Variants in INTS8 observed in about 807,000 individuals in gnomAD.
The protein encoded by INTS8 is protein kaonashi-1.
In INTS8, 47 loss-of-function variants were observed where a neutral mutation model predicts 138.9. That is an observed-to-expected ratio of 0.34 (90% confidence interval 0.27 to 0.43). INTS8 has a LOEUF of 0.43. INTS8 is among the 20% of genes least tolerant of loss of function. The probability of loss-of-function intolerance (pLI) is 1.00; values close to 1 mark genes in which losing one functional copy is unlikely to be tolerated. For synonymous variants in INTS8, 392 were observed against 400.9 expected (o/e 0.98, Z 0.27); for missense variants, 996 against 1,173.0 (o/e 0.85, Z 2.20).
chr8:94,836,720 G>A (rs538230484), intron 7 of INTS8, 89 bp downstream of exon 7: 8 of 759,324 alleles, frequency 1.1e-5, no homozygotes, highest in South Asian at 1.7e-5. Flanking sequence ...TGATAAAAAC[G>A]TGTTCATTAT....
intron 18 of INTS8, chr8:94,866,609 T>C (rs1303421086): frequency 5.5e-6 from 1 of 183,472 alleles, no homozygotes; most frequent in Admixed American, 5.9e-5. Flanking sequence ...TAAAGTGACC[T>C]GTTAATGTGC....
intron 1 of INTS8, 34 bp downstream of exon 1, chr8:94,823,595 C>G: frequency 1.4e-6 from 2 of 1,475,610 alleles, no homozygotes; most frequent in South Asian, 1.3e-5. Context: ...GGAGCGGGAC[C>G]CGGCCACCGG....
chr8:94,865,767 G>A, intron 17 of INTS8, 77 bp downstream of exon 17: 2 of 1,305,488 alleles, frequency 1.5e-6, no homozygotes, highest in Admixed American at 4.0e-5. Flanking sequence ...ACCTATTAAA[G>A]GTTGATTTCA....
chr8:94,838,530 A>G lies in INTS8; in HGVS notation c.929A>G (p.Asp310Gly), dbSNP rs762478454. 1 of 1,612,874 alleles carries G rather than the reference A, an allele frequency of 6.2e-7. No homozygotes were observed. Among genetic ancestry groups the G allele is most frequent in the South Asian group, 1.1e-5 (1 of 91,042 alleles). Residue 310 changes from aspartate (D) to glycine (G), a missense_variant, in exon 8 of 27, where the codon GAT becomes GGT. Asp to Gly is a moderately conservative substitution (Grantham distance 94). Transcript: ENST00000523731. ...TTAGCTGGCTATTGTCAAGCATGTG[A>G]TGTTCTTGTACCTTCTTCTGATAGT... ...KRLAGYCQAC[D>G]VLVPSSDSTS... is the part of the protein sequence containing the mutation.
chr8:94,827,610 A>G (rs1173852715), intron 3 of INTS8, 112 bp from the exon 4 acceptor site: 8 of 1,057,884 alleles, frequency 7.6e-6, no homozygotes, highest in East Asian at 4.8e-5. Flanking sequence ...AGGATTTACC[A>G]TGTGTCAATT....
Position 94,849,557 on chromosome 8 carries a change from C to CTT in INTS8, c.1331+35_1331+36dup, listed in dbSNP as rs370192003. ...AGTAAGTACCTTTCTTTTCTTTTTT[C>CTT]TTTTTTTTTTTAACTTTGAACTTAG... is the stretch of plus-strand genomic sequence containing the variant. On this transcript the variant is annotated intron_variant, in intron 11 of 26. Coordinates refer to ENST00000523731, the MANE Select transcript of INTS8 (RefSeq NM_017864.4). 3.2e-4 allele frequency: 362 copies of CTT among 1,115,220 alleles called. No individual in the cohort carries two copies. In the African/African-American group the frequency reaches 4.7e-3, roughly 15 times the overall value. The allele number at this position is 1,115,220 out of a possible 1,614,324, so 69.1% of individuals were successfully genotyped here.
chr8:94,850,021 T>C lies in INTS8; in HGVS notation c.1437T>C (p.Asp479=), dbSNP rs1815473435. Residue 479 remains aspartate (D), a synonymous_variant, in exon 12 of 27, where the codon GAT becomes GAC. Transcript: ENST00000523731. ...LKDEERKLLV[D]QMRKRSPRVN... ...ATGAAGAACGAAAGCTACTTGTTGA[T>C]CAGATGAGGAAGAGATCCCCTAGAG... The C allele has an allele frequency of 1.2e-6, 2 of 1,613,560 alleles. No homozygotes were observed. Among genetic ancestry groups the C allele is most frequent in the East Asian group, 4.5e-5 (2 of 44,860 alleles).
At chr8:94,844,486 T>C (rs762120564) in intron 10 of INTS8, among the ~76,000 whole-genome samples, 2 of 151,974 alleles carry the variant, frequency 1.3e-5, no homozygotes, top group Non-Finnish European at 2.9e-5. Context: ...CCTGCTAATT[T>C]TTGTATTTTT....
chr8:94,833,316 G>C (rs2131001045), intron 6 of INTS8, among the ~76,000 whole-genome samples: 1 of 152,130 alleles, frequency 6.6e-6, no homozygotes, highest in South Asian at 2.1e-4. Flanking sequence ...ATGAGCTGGA[G>C]TTTGCAGCAG....
chr8:94,834,362 GGTGTGTGTGTGTGTGTGTGT>G (rs35147334), intron 6 of INTS8, among the ~76,000 whole-genome samples: 3 of 144,464 alleles, frequency 2.1e-5, no homozygotes, highest in Non-Finnish European at 1.5e-5. Flanking sequence ...TATGTGCATG[GGTGTGTGTGTGTGTGTGTGT>G]GTGTGTGTGT....
In INTS8 at chr8:94,880,508, AT is replaced by A. The variant is rs144325537; in HGVS notation, c.*284del. ...TTTCTAATCTACTTTATGAGGCTGG[AT>A]TTTTTTTTTAGAAAAGCTAATTTAA... On this transcript the variant is annotated 3_prime_UTR_variant, in exon 27 of 27. Transcript: ENST00000523731. 9.4e-3 allele frequency: 2,642 copies of A among 280,536 alleles called. No individual in the cohort carries two copies. The highest frequency in any genetic ancestry group is 0.014 in the East Asian group (231 of 16,290). The allele number at this position is 280,536 out of a possible 1,614,324, so 17.4% of individuals were successfully genotyped here.
intron 13 of INTS8, among the ~76,000 whole-genome samples, chr8:94,853,005 A>C (rs930330457): frequency 6.6e-6 from 1 of 151,978 alleles, no homozygotes; most frequent in African/African-American, 2.4e-5. Context: ...GATGCTATTT[A>C]TTAGTGTGAA....
intron 18 of INTS8, among the ~76,000 whole-genome samples, chr8:94,866,538 GC>G (rs1816183477): frequency 6.6e-6 from 1 of 152,098 alleles, no homozygotes; most frequent in Admixed American, 6.5e-5. Flanking sequence ...TCCCTTCTTG[GC>G]CCCTCACAGT....
In INTS8 at chr8:94,880,508, A is replaced by AT. The variant is rs144325537; in HGVS notation, c.*284dup. The AT allele has an allele frequency of 4.1e-3, 1,159 of 283,388 alleles. No individual in the cohort carries two copies. Among genetic ancestry groups the AT allele is most frequent in the East Asian group, 5.3e-3 (87 of 16,514 alleles). The allele number at this position is 283,388 out of a possible 1,614,324, so 17.6% of individuals were successfully genotyped here. On this transcript the variant is annotated 3_prime_UTR_variant, in exon 27 of 27. Transcript: ENST00000523731. Reference sequence around the variant, plus strand: ...TTTCTAATCTACTTTATGAGGCTGGATTTTTTTTTTAGAAAAGCTAATTTA... The same window carrying AT: ...TTTCTAATCTACTTTATGAGGCTGGATTTTTTTTTTTAGAAAAGCTAATTTA...
At chr8:94,849,654 G>A (rs1205683179) in intron 11 of INTS8, 122 bp downstream of exon 11, 1 of 646,908 alleles carries the variant, frequency 1.5e-6, no homozygotes, top group South Asian at 2.3e-5. Context: ...AGTAACTGGT[G>A]TTTGAGAACC....
Position 94,876,267 on chromosome 8 carries a change from ATTTTGGAATACTTGAC to A in INTS8, c.2812_2827del (p.Leu938IlefsTer24), listed in dbSNP as rs757528556. On this transcript the variant is annotated frameshift_variant and splice_region_variant, in exon 25 of 27. Transcript: ENST00000523731. LOFTEE classifies it high-confidence loss of function. ...CTACGACTACATATGGGATGTTACC[ATTTTGGAATACTTGAC>A]TTGTATCCTTTCATCCATGTGTGTG... 1 of 1,611,480 alleles carries A rather than the reference ATTTTGGAATACTTGAC, an allele frequency of 6.2e-7. No individual in the cohort carries two copies.
intron 14 of INTS8, among the ~76,000 whole-genome samples, chr8:94,854,946 A>G (rs1020449313): frequency 4.5e-5 from 6 of 134,330 alleles, no homozygotes; most frequent in African/African-American, 1.7e-4. Flanking sequence ...GCATCTCCTT[A>G]TTTTGCCCAG....
intron 1 of INTS8, among the ~76,000 whole-genome samples, chr8:94,824,379 G>C (rs796651425): frequency 3.3e-5 from 5 of 152,256 alleles, no homozygotes; most frequent in African/African-American, 1.2e-4. Flanking sequence ...ATAATTTGTT[G>C]AGTGCTTTCC....
At chr8:94,841,115 G>A (rs1815119349) in intron 8 of INTS8, among the ~76,000 whole-genome samples, 1 of 151,312 alleles carries the variant, frequency 6.6e-6, no homozygotes, top group South Asian at 2.1e-4. Flanking sequence ...ATTTCACCAT[G>A]TTGGCCAGGC....
Sources: gnomAD v4.1 joint callset for allele counts (sites outside exome capture counted in the v4.1 genomes callset) on GRCh38, gnomAD v4.1.1 for gene constraint, MANE v1.5 for transcripts, NCBI Gene and HGNC (gene_info 2026-07-23, HGNC 2026-07-21) for gene names.